Variants in CREBL2 observed in about 807,000 individuals in gnomAD.
The protein encoded by CREBL2 is cAMP-responsive element-binding protein-like 2.
In CREBL2, 4 loss-of-function variants were observed where a neutral mutation model predicts 19.5. The ratio of observed to expected loss-of-function variants is 0.20; its 90% CI spans 0.10 to 0.47. CREBL2 has a LOEUF of 0.47. Ranked by LOEUF, CREBL2 falls within the 20% of genes least tolerant of loss-of-function variation. The pLI, the probability that CREBL2 is intolerant of heterozygous loss-of-function variation, is 0.98. For missense variants in CREBL2, 85 were observed against 145.1 expected, an observed-to-expected ratio of 0.59 and a Z score of 2.13; for synonymous variants, 42 against 46.6, an observed-to-expected ratio of 0.90 and a Z score of 0.40.
intron 1 of CREBL2, among the ~76,000 whole-genome samples, chr12:12,613,990 CTTTTTTTTT>C (rs57522744): frequency 6.9e-5 from 5 of 72,922 alleles, no homozygotes; most frequent in African/African-American, 1.1e-4. Context: ...TCTTTTTTTT[CTTTTTTTTT>C]TTTTTTTTTT....
chr12:12,619,352 G>A (rs1368142666), intron 1 of CREBL2, among the ~76,000 whole-genome samples: 3 of 152,136 alleles, frequency 2.0e-5, no homozygotes, highest in Non-Finnish European at 2.9e-5. Context: ...TCTCATGCCT[G>A]TAATCCCAGC....
chr12:12,637,590 A>C lies in CREBL2; in HGVS notation c.234A>C (p.Ala78=). The change falls in exon 3 of 4, where the codon GCA becomes GCC. Residue 78 remains alanine (A), a synonymous_variant. Transcript: ENST00000228865. The part of the protein sequence containing the change: ...ELEMYKQWCM[A]MDQGKIPSEI... ...TTCAGTACAAGCAGTGGTGCATGGC[A>C]ATGGACCAAGGAAAAATCCCTTCTG... is the stretch of plus-strand genomic sequence containing the variant. The C allele has an allele frequency of 1.9e-6, 3 of 1,604,010 alleles. No homozygotes were observed. Among genetic ancestry groups the C allele is most frequent in the Non-Finnish European group, 2.6e-6 (3 of 1,173,508 alleles).
At chr12:12,636,349 C>T (rs1945475060) in intron 2 of CREBL2, among the ~76,000 whole-genome samples, 1 of 152,162 alleles carries the variant, frequency 6.6e-6, no homozygotes, top group South Asian at 2.1e-4. Flanking sequence ...GTAGACAAAG[C>T]AATATAACAA....
At chr12:12,617,801 G>A (rs181073698) in intron 1 of CREBL2, among the ~76,000 whole-genome samples, 63 of 151,526 alleles carry the variant, frequency 4.2e-4, no homozygotes, top group Non-Finnish European at 4.6e-4. Flanking sequence ...GTTTTTCTAG[G>A]CAGAGGACCC....
chr12:12,640,326 G>A (rs1349897041), intron 3 of CREBL2, among the ~76,000 whole-genome samples: 1 of 152,104 alleles, frequency 6.6e-6, no homozygotes, highest in African/African-American at 2.4e-5. Context: ...TTCCTTGCTA[G>A]GAAAAGAATT....
intron 1 of CREBL2, among the ~76,000 whole-genome samples, chr12:12,617,301 A>C (rs1945317979): frequency 6.6e-6 from 1 of 152,224 alleles, no homozygotes; most frequent in South Asian, 2.1e-4. Context: ...CAAATGAGAG[A>C]AATAAAGCAA....
chr12:12,616,577 A>C (rs1945313058), intron 1 of CREBL2, among the ~76,000 whole-genome samples: 1 of 152,228 alleles, frequency 6.6e-6, no homozygotes, highest in Non-Finnish European at 1.5e-5. Flanking sequence ...GTAGATAAGT[A>C]ATATTTACAT....
chr12:12,641,051 T>C (rs1394059891), intron 3 of CREBL2, among the ~76,000 whole-genome samples: 1 of 151,870 alleles, frequency 6.6e-6, no homozygotes, highest in Non-Finnish European at 1.5e-5. Context: ...GAATTAATTT[T>C]TCTATATGGT....
rs1057046023 is a variant in CREBL2, at chr12:12,642,152, G to T, written c.*154G>T. On this transcript the variant is annotated 3_prime_UTR_variant, in exon 4 of 4. Transcript: ENST00000228865. ...ATTTCTACCAAAATGTGTGATCGTA[G>T]ATCTCAAAGGATCTTGCTTTAACTT... is the stretch of plus-strand genomic sequence containing the variant. 7 of 453,758 alleles carry T rather than the reference G, an allele frequency of 1.5e-5. No individual in the cohort carries two copies. The highest frequency in any genetic ancestry group is 2.3e-5 in the Non-Finnish European group (6 of 258,274). 28.1% of individuals were successfully genotyped at this position (453,758 alleles called of 1,614,324 possible).
At chr12:12,613,990 C>CTTTTTTTTTTTTTTTTTTTT (rs57522744) in intron 1 of CREBL2, among the ~76,000 whole-genome samples, 15 of 72,918 alleles carry the variant, frequency 2.1e-4, no homozygotes, top group East Asian at 4.0e-4. Flanking sequence ...TCTTTTTTTT[C>CTTTTTTTTTTTTTTTTTTTT]TTTTTTTTTT....
chr12:12,635,936 G>C lies in CREBL2; in HGVS notation c.175G>C (p.Glu59Gln), dbSNP rs1275719137. 1.2e-6 allele frequency: 2 copies of C among 1,614,114 alleles called. No individual in the cohort carries two copies. The highest frequency in any genetic ancestry group is 3.3e-5 in the Admixed American group (2 of 60,026). The change falls in exon 2 of 4, where the codon GAA becomes CAA. Residue 59 changes from glutamate to glutamine, a missense_variant. Physicochemically the swap from Glu to Gln is conservative, Grantham distance 29 (BLOSUM62 2). This residue lies in a region of CREBL2 where 22 missense variants were observed against 46.7 expected (regional missense o/e 0.47). Coordinates refer to ENST00000228865, the MANE Select transcript of CREBL2 (RefSeq NM_001310.4). Reference sequence around the variant, plus strand: ...TTTGGAAGAGTTGGTATCCAGTCGAGAAAGAGCTATATGTGCCCTCAGAGA... The same window carrying C: ...TTTGGAAGAGTTGGTATCCAGTCGACAAAGAGCTATATGTGCCCTCAGAGA... The part of the protein sequence containing the change: ...QYLEELVSSR[E>Q]RAICALREEL...
chr12:12,615,361 A>ATT (rs35848844), intron 1 of CREBL2: 1,653 of 140,896 alleles, frequency 0.012, 42 homozygotes, highest in East Asian at 0.11. Context: ...AACTTTTTGC[A>ATT]TTTTTTTTTT....
At chr12:12,612,487 TTTC>T (rs1945275216) in intron 1 of CREBL2, among the ~76,000 whole-genome samples, 1 of 152,184 alleles carries the variant, frequency 6.6e-6, no homozygotes, top group African/African-American at 2.4e-5. Context: ...TACTGTACTT[TTTC>T]TTCTTGCACT....
chr12:12,639,888 T>A (rs920429810), intron 3 of CREBL2, among the ~76,000 whole-genome samples: 21 of 151,570 alleles, frequency 1.4e-4, no homozygotes, highest in African/African-American at 5.1e-4. Context: ...GAACAGGGAG[T>A]AGGCACAAAG....
intron 3 of CREBL2, among the ~76,000 whole-genome samples, chr12:12,638,310 G>A (rs370374872): frequency 9.2e-5 from 14 of 152,140 alleles, no homozygotes; most frequent in African/African-American, 2.9e-4. Context: ...AGTGGTGTGC[G>A]CCTGTAATCC....
chr12:12,619,104 C>T (rs2136300125), intron 1 of CREBL2, among the ~76,000 whole-genome samples: 1 of 151,834 alleles, frequency 6.6e-6, no homozygotes, highest in East Asian at 1.9e-4. Flanking sequence ...GGAGAGGGAT[C>T]ATTTTAGTAA....
intron 1 of CREBL2, among the ~76,000 whole-genome samples, chr12:12,618,853 C>T (rs1945337047): frequency 6.6e-6 from 1 of 152,366 alleles, no homozygotes; most frequent in East Asian, 1.9e-4. Flanking sequence ...GCCCGGCCAA[C>T]ACAGCGAAAC....
chr12:12,624,711 TG>T (rs1359074202), intron 1 of CREBL2, among the ~76,000 whole-genome samples: 1 of 152,240 alleles, frequency 6.6e-6, no homozygotes. Context: ...ATAGCTCAAC[TG>T]TTAATAGCTC....
At chr12:12,635,247 T>C (rs983283470) in intron 1 of CREBL2, among the ~76,000 whole-genome samples, 5 of 151,944 alleles carry the variant, frequency 3.3e-5, no homozygotes, top group African/African-American at 1.2e-4. Context: ...CTCATGCCTA[T>C]AGTTACAGCG....
Sources: gnomAD v4.1 joint callset for allele counts (sites outside exome capture counted in the v4.1 genomes callset) on GRCh38, gnomAD v4.1.1 for gene constraint, gnomAD v4.1.1 regional missense constraint, MANE v1.5 for transcripts, NCBI Gene and HGNC (gene_info 2026-07-23, HGNC 2026-07-21) for gene names.